Variants in SCFD2 observed in about 807,000 individuals in gnomAD.
The protein encoded by SCFD2 is sec1 family domain containing 2, also known as sec1 family domain-containing protein 2.
A neutral mutation model predicts 58.9 loss-of-function variants in SCFD2; 54 were observed. That is an observed-to-expected ratio of 0.92 (90% CI 0.74 to 1.15). The LOEUF is 1.15. SCFD2 is among the 50% of genes most tolerant of loss of function. SCFD2 has a pLI of 0.00. For synonymous variants in SCFD2, 321 were observed against 335.9 expected, an observed-to-expected ratio of 0.96 and a Z score of 0.49; for missense variants, 805 against 836.6, an observed-to-expected ratio of 0.96 and a Z score of 0.47.
chr4:53,105,498 GGGGGAGGGGTGTTT>G (rs1475272679), intron 5 of SCFD2, among the ~76,000 whole-genome samples: 14 of 152,272 alleles, frequency 9.2e-5, no homozygotes, highest in African/African-American at 2.4e-4. Context: ...GACCTTGGTC[GGGGGAGGGGTGTTT>G]ACCATTTCTG....
intron 8 of SCFD2, among the ~76,000 whole-genome samples, chr4:52,878,972 C>G (rs1417897045): frequency 6.6e-6 from 1 of 152,210 alleles, no homozygotes; most frequent in African/African-American, 2.4e-5. Context: ...TCTTCTTCTC[C>G]TCCGTCTCCT....
At chr4:53,110,464 A>G (rs559747725) in intron 5 of SCFD2, among the ~76,000 whole-genome samples, 202 of 152,334 alleles carry the variant, frequency 1.3e-3, no homozygotes, top group African/African-American at 4.8e-3. Flanking sequence ...AACTTACACA[A>G]TGGGAGAAAA....
chr4:52,908,487 A>G (rs1173100936), intron 6 of SCFD2, among the ~76,000 whole-genome samples: 1 of 152,024 alleles, frequency 6.6e-6, no homozygotes, highest in East Asian at 1.9e-4. Flanking sequence ...CCCTCAATGC[A>G]CTCTCTGATC....
intron 5 of SCFD2, among the ~76,000 whole-genome samples, chr4:53,138,216 A>G (rs531703108): frequency 7.9e-5 from 12 of 152,302 alleles, no homozygotes; most frequent in Non-Finnish European, 1.2e-4. Context: ...AAGAATGGTC[A>G]GTAGGGCAGT....
chr4:53,222,352 C>T (rs1450455869), intron 4 of SCFD2, among the ~76,000 whole-genome samples: 9 of 152,194 alleles, frequency 5.9e-5, no homozygotes, highest in Non-Finnish European at 8.8e-5. Context: ...TGACATTCTT[C>T]CTGAAGCTTG....
chr4:53,352,152 T>G (rs910891279), intron 2 of SCFD2, among the ~76,000 whole-genome samples: 1 of 152,222 alleles, frequency 6.6e-6, no homozygotes, highest in Non-Finnish European at 1.5e-5. Flanking sequence ...AAAAATATAC[T>G]TAGAAATAAA....
chr4:53,215,365 T>G (rs919032736), intron 4 of SCFD2, among the ~76,000 whole-genome samples: 2 of 152,160 alleles, frequency 1.3e-5, no homozygotes, highest in Non-Finnish European at 2.9e-5. Flanking sequence ...AAGAGGTCCT[T>G]CACGTCCCTT....
At chr4:53,231,642 G>T (rs182301485) in intron 4 of SCFD2, among the ~76,000 whole-genome samples, 121 of 152,066 alleles carry the variant, frequency 8.0e-4, no homozygotes, top group African/African-American at 2.8e-3. Context: ...AAACTATCCT[G>T]GTCAATAGAG....
At chr4:53,222,296 A>G (rs1365836925) in intron 4 of SCFD2, among the ~76,000 whole-genome samples, 1 of 152,244 alleles carries the variant, frequency 6.6e-6, no homozygotes, top group Non-Finnish European at 1.5e-5. Flanking sequence ...GTGTGTCACC[A>G]TCATAGTATT....
chr4:53,256,090 G>A (rs910681274), intron 4 of SCFD2, among the ~76,000 whole-genome samples: 10 of 151,574 alleles, frequency 6.6e-5, no homozygotes, highest in African/African-American at 2.4e-4. Flanking sequence ...CTCCCGGACG[G>A]GGTGGCTGCC....
rs141557125 is a variant in SCFD2 at position 53,105,975 on chromosome 4, G to T, written c.1561+39358C>A. 9.0e-3 allele frequency among the ~76,000 whole-genome samples: 1,356 copies of T among 151,346 alleles called. 19 individuals carry two copies. Among genetic ancestry groups the T allele is most frequent in the African/African-American group, 0.031 (1,276 of 41,212 alleles). On this transcript the variant is annotated intron_variant, in intron 5 of 8. Coordinates refer to ENST00000401642, the MANE Select transcript of SCFD2 (RefSeq NM_152540.4). The stretch of plus-strand genomic sequence containing the variant: ...GCTGGCATCTGGTGGGTGCCCCTCT[G>T]GGACGAAGCTTCCAGAGGAAGGAAC...
chr4:53,022,632 C>T (rs900641768), intron 5 of SCFD2, among the ~76,000 whole-genome samples: 18 of 152,152 alleles, frequency 1.2e-4, no homozygotes, highest in African/African-American at 4.1e-4. Flanking sequence ...GTGGCCTTGG[C>T]AAGTTTTAAA....
chr4:53,066,101 A>G (rs1051944992), intron 5 of SCFD2, among the ~76,000 whole-genome samples: 2 of 152,146 alleles, frequency 1.3e-5, no homozygotes, highest in African/African-American at 4.8e-5. Context: ...CACCGTGAAA[A>G]TAATCACAGA....
At chr4:53,343,399 C>A (rs1474514978) in intron 2 of SCFD2, among the ~76,000 whole-genome samples, 2 of 152,108 alleles carry the variant, frequency 1.3e-5, no homozygotes, top group East Asian at 1.9e-4. Flanking sequence ...CAAGACTAAA[C>A]CAGGAAGAAG....
At chr4:52,958,090 AG>A (rs1720752849) in intron 5 of SCFD2, 1 of 152,258 alleles carries the variant, frequency 6.6e-6, no homozygotes, top group African/African-American at 2.4e-5. Context: ...TCAGACACAA[AG>A]GAAAAAACGT....
At chr4:53,217,077 A>G (rs565207751) in intron 4 of SCFD2, among the ~76,000 whole-genome samples, 1 of 152,218 alleles carries the variant, frequency 6.6e-6, no homozygotes, top group Non-Finnish European at 1.5e-5. Flanking sequence ...TATGTGGTCA[A>G]TTTTGGAATA....
chr4:53,291,590 C>T (rs115314691), intron 3 of SCFD2, among the ~76,000 whole-genome samples: 24 of 151,822 alleles, frequency 1.6e-4, no homozygotes, highest in Admixed American at 2.6e-4. Flanking sequence ...CATTAAACTA[C>T]GACTGATATT....
intron 4 of SCFD2, among the ~76,000 whole-genome samples, chr4:53,269,574 C>T (rs1731097388): frequency 2.0e-5 from 3 of 152,082 alleles, no homozygotes; most frequent in Non-Finnish European, 2.9e-5. Context: ...AACAACAAAG[C>T]AATAGGTCCA....
chr4:53,071,934 T>C (rs1723827403), intron 5 of SCFD2, among the ~76,000 whole-genome samples: 1 of 152,168 alleles, frequency 6.6e-6, no homozygotes, highest in Admixed American at 6.6e-5. Context: ...CACATAATTA[T>C]TTAAAATACA....
Sources: gnomAD v4.1 joint callset for allele counts (sites outside exome capture counted in the v4.1 genomes callset) on GRCh38, gnomAD v4.1.1 for gene constraint, MANE v1.5 for transcripts, NCBI Gene and HGNC (gene_info 2026-07-23, HGNC 2026-07-21) for gene names.